Variants in FRYL observed in about 807,000 individuals in gnomAD.
The protein encoded by FRYL is FRY like transcription coactivator.
FRYL carries 150 observed loss-of-function variants against 351.2 expected under a neutral mutation model. The ratio of observed to expected loss-of-function variants is 0.43; its 90% CI spans 0.37 to 0.49. The LOEUF is 0.49. Ranked by LOEUF, FRYL falls within the 20% of genes least tolerant of loss-of-function variation. FRYL has a pLI of 0.00. For synonymous variants in FRYL, 1,153 were observed against 1,257.1 expected, an observed-to-expected ratio of 0.92 and a Z score of 1.75; for missense variants, 3,036 against 3,619.3, an observed-to-expected ratio of 0.84 and a Z score of 4.13.
chr4:48,688,726 G>A (rs1466946794), intron 2 of FRYL, among the ~76,000 whole-genome samples: 1 of 135,308 alleles, frequency 7.4e-6, no homozygotes, highest in African/African-American at 2.8e-5. Context: ...ACAGTGGCAC[G>A]ATGTTGGCTC....
At chr4:48,639,848 C>A (rs1243879233) in intron 3 of FRYL, among the ~76,000 whole-genome samples, 3 of 152,000 alleles carry the variant, frequency 2.0e-5, no homozygotes, top group Non-Finnish European at 4.4e-5. Context: ...AAAATGAGCA[C>A]CAGATTTAAT....
Position 48,684,720 on chromosome 4 carries a change from CTA to C in FRYL, c.-130_-129del, listed in dbSNP as rs1268731088. ...TCTTGGTGACTTGGATCATCTAATC[CTA>C]TGACTCTTGAGTGGTTTCAGGAATT... is the stretch of plus-strand genomic sequence containing the variant. On this transcript the variant is annotated 5_prime_UTR_variant, in exon 3 of 64. Coordinates refer to ENST00000358350, the MANE Select transcript of FRYL (RefSeq NM_015030.2). 1 of 152,146 alleles carries C rather than the reference CTA, an allele frequency of 6.6e-6. No individual in the cohort carries two copies. The highest frequency in any genetic ancestry group is 1.5e-5 in the Non-Finnish European group (1 of 68,028). 9.4% of individuals were successfully genotyped at this position (152,146 alleles called of 1,614,324 possible). A position where few individuals can be genotyped will look rare whatever the true frequency, so the allele number is the denominator to read the frequency against.
rs773108008 is a variant in FRYL at position 48,548,720 on chromosome 4, G to A, written c.4858C>T (p.Leu1620Phe). ...AAAATTGCATGAAGAAGAAGATGGA[G>A]GTAGCTTCCCCATTCCACCTTCACA... ...HSVKVEWGSY[L>F]HLLLHAIFIG... Residue 1620 changes from leucine to phenylalanine, a missense_variant, in exon 40 of 64, where the codon CTC becomes TTC. Transcript: ENST00000358350. 6.8e-6 allele frequency: 11 copies of A among 1,606,670 alleles called. No homozygotes were observed. The South Asian group carries it at 1.1e-4, about 16-fold the overall frequency.
At chr4:48,543,104 C>T (rs1189343132) in intron 44 of FRYL, among the ~76,000 whole-genome samples, 1 of 152,194 alleles carries the variant, frequency 6.6e-6, no homozygotes, top group Non-Finnish European at 1.5e-5. Context: ...GCTTCTGCCT[C>T]AGGACCTTTG....
At chr4:48,639,636 A>G (rs1754942455) in intron 3 of FRYL, among the ~76,000 whole-genome samples, 1 of 152,132 alleles carries the variant, frequency 6.6e-6, no homozygotes, top group African/African-American at 2.4e-5. Context: ...GACTTTTTAG[A>G]TAAACATCAA....
At chr4:48,719,750 C>T (rs916459452) in intron 1 of FRYL, among the ~76,000 whole-genome samples, 3 of 151,668 alleles carry the variant, frequency 2.0e-5, no homozygotes, top group Non-Finnish European at 4.4e-5. Context: ...GATGCAAGAA[C>T]AACCACCCTC....
chr4:48,512,726 T>G (rs1722738287), intron 56 of FRYL, 38 bp from the exon 57 acceptor site: 1 of 1,485,272 alleles, frequency 6.7e-7, no homozygotes, highest in Non-Finnish European at 9.4e-7. Flanking sequence ...TAACACTATC[T>G]CAGAAAAAAA....
At chr4:48,595,500 A>T in intron 15 of FRYL, 90 bp downstream of exon 15, 1 of 626,410 alleles carries the variant, frequency 1.6e-6, no homozygotes, top group South Asian at 2.6e-5. Context: ...CTATGTTTTT[A>T]GATGCATAAA....
At chr4:48,643,982 T>C (rs1219243600) in intron 3 of FRYL, among the ~76,000 whole-genome samples, 1 of 152,180 alleles carries the variant, frequency 6.6e-6, no homozygotes, top group Non-Finnish European at 1.5e-5. Flanking sequence ...GCGCTCTTAT[T>C]GTCCAGGCTG....
At chr4:48,696,225 C>T (rs1335128877) in intron 2 of FRYL, among the ~76,000 whole-genome samples, 1 of 152,104 alleles carries the variant, frequency 6.6e-6, no homozygotes, top group Non-Finnish European at 1.5e-5. Flanking sequence ...GACACATGCA[C>T]ACATATGTTT....
At chr4:48,598,961 C>G (rs1426857639) in intron 13 of FRYL, 4 of 410,242 alleles carry the variant, frequency 9.8e-6, no homozygotes, top group African/African-American at 2.2e-5. Flanking sequence ...CAAGACAGCT[C>G]TTCACCAAGG....
At position 48,579,082 on chromosome 4, in the gene FRYL, T is replaced by C. The variant is rs575421561; in HGVS notation, c.2419A>G (p.Ser807Gly). The C allele has an allele frequency of 6.2e-7, 1 of 1,614,036 alleles. No homozygotes were observed. The highest frequency in any genetic ancestry group is 2.2e-5 in the East Asian group (1 of 44,854). Residue 807 changes from serine (S) to glycine (G), a missense_variant, in exon 23 of 64, where the codon AGT becomes GGT. Physicochemically the swap from Ser to Gly is moderately conservative, Grantham distance 56. This residue lies in a region of FRYL where 492 missense variants were observed against 551.5 expected (regional missense o/e 0.89). Transcript: ENST00000358350. ...GQDPWIISLS[S>G]FLKQENLPKH... ...GGAAGATTTTCTTGCTTTAAAAAAC[T>C]GGAGAGACTTATAATCCATGGGTCT...
intron 3 of FRYL, among the ~76,000 whole-genome samples, chr4:48,658,848 T>G (rs956983818): frequency 1.1e-4 from 8 of 72,818 alleles, no homozygotes; most frequent in African/African-American, 5.7e-4. Context: ...ACATGAAATA[T>G]AAACAAGAAA....
Position 48,567,928 on chromosome 4 carries a change from C to T in FRYL, c.2997-508G>A, listed in dbSNP as rs1418235822. Among the ~76,000 whole-genome samples the T allele has an allele frequency of 2.6e-5, 4 of 152,202 alleles. No individual in the cohort carries two copies. The highest frequency in any genetic ancestry group is 5.9e-5 in the Non-Finnish European group (4 of 68,044). On this transcript the variant is annotated intron_variant, in intron 27 of 63. Coordinates refer to ENST00000358350, the MANE Select transcript of FRYL (RefSeq NM_015030.2). The surrounding 1 kb of genome is among the most constrained non-coding windows in gnomAD (Gnocchi z 4.2). ...ATTCTTGTAAGAATAGGGTAGAGTA[C>T]TGGGTTTCAAAACCTTTCTATACCT... is the stretch of plus-strand genomic sequence containing the variant.
chr4:48,651,049 T>C (rs1578527219), intron 3 of FRYL, among the ~76,000 whole-genome samples: 1 of 152,092 alleles, frequency 6.6e-6, no homozygotes, highest in Non-Finnish European at 1.5e-5. Context: ...AAAAATCCCT[T>C]TCCCTCTTAA....
chr4:48,710,726 G>C, intron 1 of FRYL, 28 bp from the exon 2 acceptor site: 1 of 396,740 alleles, frequency 2.5e-6, no homozygotes, highest in Non-Finnish European at 4.4e-6. Flanking sequence ...AGGAAATATG[G>C]TCATCACTAA....
intron 4 of FRYL, among the ~76,000 whole-genome samples, chr4:48,624,095 T>C (rs1430439458): frequency 4.6e-5 from 7 of 152,070 alleles, no homozygotes; most frequent in Admixed American, 4.6e-4. Flanking sequence ...AAATAAACAG[T>C]ATATTGCCAG....
At chr4:48,507,268 TGA>T (rs1222460586) in intron 59 of FRYL, among the ~76,000 whole-genome samples, 2 of 152,164 alleles carry the variant, frequency 1.3e-5, no homozygotes, top group South Asian at 4.1e-4. Context: ...CACACTGGCC[TGA>T]GAGATACAGG....
At chr4:48,513,756 A>T (rs1049185214) in intron 56 of FRYL, among the ~76,000 whole-genome samples, 4 of 152,232 alleles carry the variant, frequency 2.6e-5, no homozygotes, top group Non-Finnish European at 5.9e-5. Flanking sequence ...GGTTAATTTT[A>T]AAACTGTCAC....
Sources: gnomAD v4.1 joint callset for allele counts (sites outside exome capture counted in the v4.1 genomes callset) on GRCh38, gnomAD v4.1.1 for gene constraint, gnomAD v4.1.1 regional missense constraint, Gnocchi (gnomAD v3.1) non-coding constraint, MANE v1.5 for transcripts, NCBI Gene and HGNC (gene_info 2026-07-23, HGNC 2026-07-21) for gene names.